DTNBP1: variants seen among roughly 807,000 people sequenced by gnomAD.
The protein encoded by DTNBP1 is dysbindin.
DTNBP1 carries 35 observed loss-of-function variants against 42.8 expected under a neutral mutation model. The observed-to-expected ratio is 0.82, with a 90% CI of 0.63 to 1.09. The LOEUF is 1.09. DTNBP1 is among the 50% of genes least tolerant of loss of function. The probability of loss-of-function intolerance (pLI) is 0.00; values close to 1 mark genes in which losing one functional copy is unlikely to be tolerated. For synonymous variants in DTNBP1, 171 were observed against 162.2 expected (o/e 1.05, Z -0.41); for missense variants, 457 against 424.2 (o/e 1.08, Z -0.68).
At chr6:15,537,857 C>T (rs536100059) in intron 7 of DTNBP1, among the ~76,000 whole-genome samples, 16 of 152,310 alleles carry the variant, frequency 1.1e-4, no homozygotes, top group African/African-American at 3.8e-4. Flanking sequence ...ATAAATTACC[C>T]CTCTCAGCTA....
chr6:15,619,299 T>A (rs996550172), intron 5 of DTNBP1, among the ~76,000 whole-genome samples: 2 of 152,294 alleles, frequency 1.3e-5, no homozygotes, highest in South Asian at 4.1e-4. Flanking sequence ...TGTACATGTA[T>A]CAAAAATCAC....
intron 4 of DTNBP1, among the ~76,000 whole-genome samples, chr6:15,632,048 A>G (rs906065767): frequency 1.3e-5 from 2 of 152,186 alleles, no homozygotes; most frequent in Non-Finnish European, 2.9e-5. Flanking sequence ...AAGGTTGAAC[A>G]TATTTTACTG....
chr6:15,650,700 T>C (rs1218170234), intron 3 of DTNBP1, among the ~76,000 whole-genome samples: 1 of 152,214 alleles, frequency 6.6e-6, no homozygotes, highest in African/African-American at 2.4e-5. Context: ...CTTTTGCCTA[T>C]TTCTTCATGG....
chr6:15,624,830 G>C (rs1213069739), intron 5 of DTNBP1, among the ~76,000 whole-genome samples: 5 of 150,270 alleles, frequency 3.3e-5, no homozygotes, highest in Admixed American at 2.0e-4. Flanking sequence ...AAAAAACCCA[G>C]TAAATGAGTA....
At chr6:15,581,380 A>C (rs867138370) in intron 7 of DTNBP1, among the ~76,000 whole-genome samples, 23 of 151,194 alleles carry the variant, frequency 1.5e-4, no homozygotes, top group African/African-American at 3.9e-4. Flanking sequence ...GGGTTTCACC[A>C]TCTTGGTCAG....
At chr6:15,640,983 G>A (rs1283939526) in intron 3 of DTNBP1, among the ~76,000 whole-genome samples, 1 of 152,138 alleles carries the variant, frequency 6.6e-6, no homozygotes, top group Non-Finnish European at 1.5e-5. Flanking sequence ...CAAACATCAG[G>A]GAGTCTGTGC....
At position 15,529,554 on chromosome 6, in the gene DTNBP1, G is replaced by A. The variant is rs557304800; in HGVS notation, c.667+3686C>T. The stretch of plus-strand genomic sequence containing the variant: ...TCTCTTCCCAGGGCACTGGGTCCAC[G>A]CTGGAGCATCCCAGAGCTGATCAAT... On this transcript the variant is annotated intron_variant, in intron 8 of 9. Coordinates refer to ENST00000344537, the MANE Select transcript of DTNBP1 (RefSeq NM_032122.5). Among the ~76,000 whole-genome samples, 9 of 152,276 alleles carry A rather than the reference G, an allele frequency of 5.9e-5. No homozygotes were observed. In the East Asian group the frequency reaches 1.5e-3, roughly 26 times the overall value.
chr6:15,629,725 T>C (rs1759575663), intron 4 of DTNBP1, among the ~76,000 whole-genome samples: 1 of 152,194 alleles, frequency 6.6e-6, no homozygotes, highest in Non-Finnish European at 1.5e-5. Context: ...AGCAATATTA[T>C]AACCTCCATT....
intron 6 of DTNBP1, among the ~76,000 whole-genome samples, chr6:15,597,444 G>A (rs1776559423): frequency 1.3e-5 from 2 of 152,208 alleles, no homozygotes; most frequent in South Asian, 2.1e-4. Context: ...GAAAAAGCAT[G>A]GGTAAGCAGG....
At chr6:15,635,160 C>T (rs1759935643) in intron 4 of DTNBP1, among the ~76,000 whole-genome samples, 1 of 152,058 alleles carries the variant, frequency 6.6e-6, no homozygotes, top group Non-Finnish European at 1.5e-5. Flanking sequence ...TTGCTGTTGC[C>T]CAGGCTGGAG....
chr6:15,619,349 AAAT>A (rs1243936353), intron 5 of DTNBP1, among the ~76,000 whole-genome samples: 5 of 152,352 alleles, frequency 3.3e-5, no homozygotes, highest in South Asian at 4.1e-4. Flanking sequence ...TGTCAATTAA[AAAT>A]AATAATAAAA....
intron 7 of DTNBP1, among the ~76,000 whole-genome samples, chr6:15,581,669 G>C (rs761560508): frequency 6.6e-5 from 10 of 151,390 alleles, no homozygotes; most frequent in East Asian, 1.9e-4. Context: ...GTAGATACAG[G>C]GTTTCACCAT....
In DTNBP1 at chr6:15,533,192, C is replaced by A. The variant is rs75380691; in HGVS notation, c.667+48G>T. 7,664 of 1,609,312 alleles carry A rather than the reference C, an allele frequency of 4.8e-3. 28 individuals are homozygous for A. The highest frequency in any genetic ancestry group is 5.4e-3 in the Non-Finnish European group (6,380 of 1,179,724). On this transcript the variant is annotated intron_variant, in intron 8 of 9. Transcript: ENST00000344537. ...CTGGGGAGAGGGGTCCATCGCCACC[C>A]CGCACAGCCGGTGAGTCCCCACACC...
intron 7 of DTNBP1, among the ~76,000 whole-genome samples, chr6:15,540,317 A>G (rs1773483687): frequency 6.6e-6 from 1 of 152,262 alleles, no homozygotes. Context: ...AAATACATTA[A>G]GTATGCTTCA....
intron 7 of DTNBP1, among the ~76,000 whole-genome samples, chr6:15,559,961 CTT>C (rs1774746997): frequency 6.6e-6 from 1 of 152,138 alleles, no homozygotes; most frequent in Non-Finnish European, 1.5e-5. Context: ...CAGGAATAAA[CTT>C]ATTTCTCATT....
chr6:15,630,801 C>T (rs2113749926), intron 4 of DTNBP1, among the ~76,000 whole-genome samples: 1 of 152,204 alleles, frequency 6.6e-6, no homozygotes, highest in South Asian at 2.1e-4. Context: ...GCCTGTAGTC[C>T]CAGCTACTCG....
intron 4 of DTNBP1, among the ~76,000 whole-genome samples, chr6:15,629,613 T>C (rs2619544): frequency 0.15 from 23,499 of 152,128 alleles, 2,693 homozygotes; most frequent in African/African-American, 0.32. Context: ...TCAACAATTA[T>C]ACAATACTAA....
chr6:15,608,825 A>G (rs1221650220), intron 6 of DTNBP1, among the ~76,000 whole-genome samples: 2 of 152,228 alleles, frequency 1.3e-5, no homozygotes, highest in Non-Finnish European at 2.9e-5. Context: ...TTAATATAAA[A>G]GCCTTTTTTG....
Position 15,607,001 on chromosome 6 carries a change from C to CA in DTNBP1, c.488+8265dup, listed in dbSNP as rs1351379724. On this transcript the variant is annotated intron_variant, in intron 6 of 9. Transcript: ENST00000344537. ...GCAAGTAAGTTGTGAAATGCTGAGT[C>CA]AAAAAAAAATTTTTTTTTTTTTTTT... Among the ~76,000 whole-genome samples the CA allele has an allele frequency of 2.2e-3, 314 of 143,232 alleles. 3 individuals are homozygous for CA. The highest frequency in any genetic ancestry group is 7.7e-3 in the African/African-American group (295 of 38,302). The allele number at this position is 143,232 out of a possible 152,430, so 94.0% of individuals were successfully genotyped here.
Sources: allele counts gnomAD v4.1 joint callset (sites outside exome capture counted in the v4.1 genomes callset), GRCh38; gene constraint gnomAD v4.1.1; transcripts MANE v1.5; gene names NCBI Gene and HGNC (gene_info 2026-07-23, HGNC 2026-07-21).